EYS: variants seen among roughly 807,000 people sequenced by gnomAD.
The protein encoded by EYS is protein eyes shut homolog.
A neutral mutation model predicts 282.1 loss-of-function variants in EYS; 250 were observed. The ratio of observed to expected loss-of-function variants is 0.89; its 90% confidence interval spans 0.80 to 0.98. The LOEUF (loss-of-function observed/expected upper bound fraction) is 0.98, where lower values mean the gene tolerates loss of function less well. EYS is among the 50% of genes least tolerant of loss of function. The pLI is 0.00. For missense variants in EYS, 4,016 were observed against 3,709.0 expected, an observed-to-expected ratio of 1.08 and a Z score of -2.15; for synonymous variants, 1,355 against 1,282.9, an observed-to-expected ratio of 1.06 and a Z score of -1.20.
intron 31 of EYS, among the ~76,000 whole-genome samples, chr6:64,219,584 T>A (rs1251166197): frequency 4.6e-5 from 7 of 152,212 alleles, no homozygotes; most frequent in Non-Finnish European, 1.0e-4. Context: ...GTATTTCTAG[T>A]TCTAGATCCC....
intron 13 of EYS, among the ~76,000 whole-genome samples, chr6:65,035,904 T>G (rs1198778445): frequency 1.4e-5 from 2 of 147,704 alleles, no homozygotes; most frequent in African/African-American, 4.9e-5. Flanking sequence ...TTATATATTT[T>G]TATATTATAG....
intron 28 of EYS, among the ~76,000 whole-genome samples, chr6:64,432,964 T>C (rs911000137): frequency 6.6e-6 from 1 of 152,076 alleles, no homozygotes; most frequent in Non-Finnish European, 1.5e-5. Flanking sequence ...TGCCAAACTG[T>C]ATTTCACCTG....
chr6:64,156,498 A>G (rs1489151214), intron 31 of EYS, among the ~76,000 whole-genome samples: 1 of 152,188 alleles, frequency 6.6e-6, no homozygotes, highest in East Asian at 1.9e-4. Flanking sequence ...AAATGTGGAA[A>G]TGACTTCGGA....
At chr6:65,491,645 A>T (rs1232475560) in intron 4 of EYS, 13 of 400,986 alleles carry the variant, frequency 3.2e-5, no homozygotes, top group Non-Finnish European at 4.4e-5. Flanking sequence ...ATTGTGTTTC[A>T]AAAGGTTCTC....
chr6:65,218,368 C>T (rs1206535696), intron 12 of EYS, among the ~76,000 whole-genome samples: 3 of 152,166 alleles, frequency 2.0e-5, no homozygotes, highest in East Asian at 1.9e-4. Flanking sequence ...ATATTTGATG[C>T]TAACATTTTT....
intron 13 of EYS, among the ~76,000 whole-genome samples, chr6:65,044,419 T>G (rs879326860): frequency 6.6e-6 from 1 of 151,820 alleles, no homozygotes; most frequent in Non-Finnish European, 1.5e-5. Context: ...CTTTGTTGCC[T>G]GTGCTTTTGG....
rs116177012 is a variant in EYS at position 64,526,209 on chromosome 6, T to C, written c.5644+64014A>G. The stretch of plus-strand genomic sequence containing the variant: ...AGAGCTAGGGGTGGGAGGAAAATGA[T>C]TGTGACTATGAAAGGTCAACAGGAG... On this transcript the variant is annotated intron_variant, in intron 26 of 42. Coordinates refer to ENST00000503581, the MANE Select transcript of EYS (RefSeq NM_001142800.2). Among the ~76,000 whole-genome samples, 1,076 of 151,896 alleles carry C rather than the reference T, an allele frequency of 7.1e-3. 8 individuals are homozygous for C. Among genetic ancestry groups the C allele is most frequent in the African/African-American group, 0.025 (1,032 of 41,512 alleles).
At chr6:65,143,047 G>C (rs1038153320) in intron 12 of EYS, among the ~76,000 whole-genome samples, 1 of 151,836 alleles carries the variant, frequency 6.6e-6, no homozygotes, top group African/African-American at 2.4e-5. Context: ...ATCCAGGAGG[G>C]GAAAAATGTA....
chr6:63,814,114 T>C (rs982303555), intron 36 of EYS, among the ~76,000 whole-genome samples: 5 of 152,364 alleles, frequency 3.3e-5, no homozygotes, highest in African/African-American at 7.2e-5. Context: ...TACGTGGTCA[T>C]TGTCTTTGTT....
At chr6:65,283,357 T>C (rs1768275355) in intron 12 of EYS, among the ~76,000 whole-genome samples, 1 of 152,050 alleles carries the variant, frequency 6.6e-6, no homozygotes, top group Admixed American at 6.6e-5. Flanking sequence ...CAAATGATAA[T>C]ATCAGTTGTT....
chr6:64,171,683 C>A (rs1394027388), intron 31 of EYS, among the ~76,000 whole-genome samples: 3 of 152,050 alleles, frequency 2.0e-5, no homozygotes, highest in African/African-American at 7.2e-5. Context: ...TAAGTGATAA[C>A]AGAAATTATT....
intron 26 of EYS, among the ~76,000 whole-genome samples, chr6:64,463,673 G>A (rs946423638): frequency 1.3e-5 from 2 of 152,128 alleles, no homozygotes; most frequent in African/African-American, 4.8e-5. Context: ...CACTCTATAA[G>A]CATGTCACTA....
chr6:65,267,691 C>T (rs538165020), intron 12 of EYS, among the ~76,000 whole-genome samples: 22 of 152,000 alleles, frequency 1.4e-4, no homozygotes, highest in African/African-American at 4.8e-4. Context: ...GTAACAATTC[C>T]GATTGGTAAC....
chr6:63,792,456 C>A (rs1770541025), intron 37 of EYS, among the ~76,000 whole-genome samples: 3 of 152,132 alleles, frequency 2.0e-5, no homozygotes, highest in Middle Eastern at 3.4e-3. Context: ...CCTTTACAAT[C>A]ATTTAGGGAA....
intron 11 of EYS, among the ~76,000 whole-genome samples, chr6:65,332,937 ATAAT>A (rs1769848990): frequency 6.6e-6 from 1 of 151,136 alleles, no homozygotes; most frequent in South Asian, 2.1e-4. Flanking sequence ...GCATTTCTTT[ATAAT>A]TATTTTTCTT....
Position 64,503,047 on chromosome 6 carries a change from T to C in EYS, c.5645-63695A>G, listed in dbSNP as rs140528203. 3.9e-3 allele frequency among the ~76,000 whole-genome samples: 592 copies of C among 152,356 alleles called. 5 individuals carry two copies. The highest frequency in any genetic ancestry group is 0.013 in the African/African-American group (557 of 41,580). On this transcript the variant is annotated intron_variant, in intron 26 of 42. Coordinates refer to ENST00000503581, the MANE Select transcript of EYS (RefSeq NM_001142800.2). ...AGCTATCTCCTTTACAGCAGTGATG[T>C]TATTTTATTAGCATGAGCTTAAAAA...
chr6:65,031,202 C>T (rs1772594127), intron 13 of EYS, among the ~76,000 whole-genome samples: 1 of 150,418 alleles, frequency 6.6e-6, no homozygotes, highest in Non-Finnish European at 1.5e-5. Context: ...TATACACACA[C>T]CCAACACTGG....
intron 35 of EYS, among the ~76,000 whole-genome samples, chr6:63,910,447 G>GA (rs1315994883): frequency 6.6e-6 from 1 of 152,046 alleles, no homozygotes; most frequent in Non-Finnish European, 1.5e-5. Context: ...AAAATAAATA[G>GA]AAAAAAAGTC....
chr6:65,296,021 G>C lies in EYS; in HGVS notation c.1865C>G (p.Ala622Gly). The C allele has an allele frequency of 6.4e-7, 1 of 1,551,118 alleles. No homozygotes were observed. Residue 622 changes from alanine (A) to glycine (G), a missense_variant, in exon 12 of 43, where the codon GCC (alanine) becomes GGC (glycine). Ala to Gly is a moderately conservative substitution (Grantham distance 60). Coordinates refer to ENST00000503581, the MANE Select transcript of EYS (RefSeq NM_001142800.2). ...HSISVHGLCL[A>G]LSHNCNCSGL... ...GCTACAGTTACAATTGTGCGAAAGG[G>C]CCAGGCAGAGGCCATGCACTGATAT...
Sources: gnomAD v4.1 joint callset for allele counts (sites outside exome capture counted in the v4.1 genomes callset) on GRCh38, gnomAD v4.1.1 for gene constraint, MANE v1.5 for transcripts, NCBI Gene and HGNC (gene_info 2026-07-23, HGNC 2026-07-21) for gene names.